DACH1: variants seen among roughly 807,000 people sequenced by gnomAD.
DACH1 encodes the protein dachshund family transcription factor 1.
A neutral mutation model predicts 54.2 loss-of-function variants in DACH1; 12 were observed. The ratio of observed to expected loss-of-function variants is 0.22; its 90% CI spans 0.14 to 0.36. The LOEUF (loss-of-function observed/expected upper bound fraction) is 0.36, where lower values mean the gene tolerates loss of function less well. Among genes scored for constraint, DACH1 ranks in the 10% least tolerant of loss-of-function variants. The pLI is 1.00. For synonymous variants in DACH1, 386 were observed against 366.2 expected (o/e 1.05, Z -0.62); for missense variants, 805 against 929.8 (o/e 0.87, Z 1.75).
intron 2 of DACH1, among the ~76,000 whole-genome samples, chr13:71,665,402 T>C (rs979585992): frequency 3.3e-5 from 5 of 152,012 alleles, no homozygotes; most frequent in Admixed American, 3.3e-4. Context: ...CAAAAAATCA[T>C]GAGACTGAAC....
intron 3 of DACH1, among the ~76,000 whole-genome samples, chr13:71,616,874 G>T (rs1036280735): frequency 2.7e-5 from 4 of 149,362 alleles, no homozygotes; most frequent in African/African-American, 5.0e-5. Flanking sequence ...CAGTTTCGGG[G>T]TTCAATTTTT....
At chr13:71,804,483 T>G (rs1887415262) in intron 1 of DACH1, among the ~76,000 whole-genome samples, 2 of 152,138 alleles carry the variant, frequency 1.3e-5, no homozygotes, top group Admixed American at 1.3e-4. Context: ...CCTCCCTACA[T>G]CTTTAGAGAT....
chr13:71,472,524 GA>G (rs1158293794), intron 10 of DACH1, among the ~76,000 whole-genome samples: 1 of 152,132 alleles, frequency 6.6e-6, no homozygotes, highest in African/African-American at 2.4e-5. Context: ...AAAAATACAT[GA>G]AAAAATTAAA....
rs1349159608 is a variant in DACH1, at chr13:71,585,895, T to C, written c.1127-12883A>G. Among the ~76,000 whole-genome samples, 8 of 152,042 alleles carry C rather than the reference T, an allele frequency of 5.3e-5. No individual in the cohort carries two copies. In the East Asian group the frequency reaches 9.7e-4, roughly 18 times the overall value. ...TCTCATATTTCATGCCACTGGAAAATTGATAAAATAGAAAAAAAAATCTTG... is the reference window on the plus strand; with the variant it reads ...TCTCATATTTCATGCCACTGGAAAACTGATAAAATAGAAAAAAAAATCTTG... On this transcript the variant is annotated intron_variant, in intron 3 of 10. Coordinates refer to ENST00000613252, the MANE Select transcript of DACH1 (RefSeq NM_080759.6).
rs1466189527 is a variant in DACH1, at chr13:71,786,690, T to A, written c.848+79232A>T. Reference sequence around the variant, plus strand: ...ATATTTTTTGTTTACTGGCTATTATTAAGTCCAATCTTTTTGCCCTGAGGA... The same window carrying A: ...ATATTTTTTGTTTACTGGCTATTATAAAGTCCAATCTTTTTGCCCTGAGGA... On this transcript the variant is annotated intron_variant, in intron 1 of 10. Transcript: ENST00000613252. 2.6e-5 allele frequency among the ~76,000 whole-genome samples: 4 copies of A among 152,244 alleles called. No homozygotes were observed. The East Asian group carries it at 5.8e-4, about 22-fold the overall frequency.
Position 71,528,425 on chromosome 13 carries a change from C to CTTT in DACH1, c.1570+28596_1570+28598dup, listed in dbSNP as rs71198120. On this transcript the variant is annotated intron_variant, in intron 6 of 10. Transcript: ENST00000613252. ...TTTTAGAAACGGAAAAACAGATTTTCTTTTTTTTTTTTTTTTTTTTGAGAC... is the reference window on the plus strand; with the variant it reads ...TTTTAGAAACGGAAAAACAGATTTTCTTTTTTTTTTTTTTTTTTTTTTTGAGAC... Among the ~76,000 whole-genome samples, 654 of 111,068 alleles carry CTTT rather than the reference C, an allele frequency of 5.9e-3. 14 individuals are homozygous for CTTT. Among genetic ancestry groups the CTTT allele is most frequent in the Non-Finnish European group, 7.0e-3 (406 of 58,124 alleles). 72.9% of individuals were successfully genotyped at this position (111,068 alleles called of 152,430 possible).
At chr13:71,536,678 T>C (rs1165740289) in intron 6 of DACH1, among the ~76,000 whole-genome samples, 1 of 152,138 alleles carries the variant, frequency 6.6e-6, no homozygotes, top group East Asian at 1.9e-4. Flanking sequence ...GTGTTTATTC[T>C]GTGTGGGGCA....
intron 1 of DACH1, among the ~76,000 whole-genome samples, chr13:71,770,667 T>C (rs916782186): frequency 5.3e-5 from 8 of 151,640 alleles, no homozygotes; most frequent in Admixed American, 1.3e-4. Flanking sequence ...ACGTAATTTA[T>C]TTTCTCAGAA....
At chr13:71,459,117 T>C (rs963715895) in intron 10 of DACH1, among the ~76,000 whole-genome samples, 8 of 151,922 alleles carry the variant, frequency 5.3e-5, no homozygotes, top group African/African-American at 1.9e-4. Flanking sequence ...CAGATACTTT[T>C]AGGAAATGCT....
chr13:71,495,090 T>C (rs1301072961), intron 6 of DACH1, among the ~76,000 whole-genome samples: 2 of 152,104 alleles, frequency 1.3e-5, no homozygotes, highest in African/African-American at 4.8e-5. Flanking sequence ...CTGTGTGTTT[T>C]GGTCTCTAAT....
intron 1 of DACH1, among the ~76,000 whole-genome samples, chr13:71,847,273 T>C (rs1873346289): frequency 6.6e-6 from 1 of 152,220 alleles, no homozygotes; most frequent in South Asian, 2.1e-4. Flanking sequence ...TTTGCATTCC[T>C]ATTTTAATTT....
chr13:71,592,513 A>AAAAAAAAG (rs768010399), intron 3 of DACH1, among the ~76,000 whole-genome samples: 1 of 145,890 alleles, frequency 6.9e-6, no homozygotes, highest in African/African-American at 2.5e-5. Flanking sequence ...AAAAAAAAAA[A>AAAAAAAAG]AAAAGAAAAG....
intron 1 of DACH1, among the ~76,000 whole-genome samples, chr13:71,779,997 TGAAG>T (rs200586971): frequency 1.5e-4 from 23 of 151,992 alleles, no homozygotes; most frequent in African/African-American, 2.4e-4. Flanking sequence ...AAACATCCTA[TGAAG>T]GAAGGAATGA....
At chr13:71,487,318 G>T (rs1260000037) in intron 7 of DACH1, among the ~76,000 whole-genome samples, 1 of 152,084 alleles carries the variant, frequency 6.6e-6, no homozygotes, top group Non-Finnish European at 1.5e-5. Flanking sequence ...GGAAAGGAGA[G>T]TATATTAAAT....
intron 10 of DACH1, among the ~76,000 whole-genome samples, chr13:71,458,647 T>C (rs1455926917): frequency 2.0e-5 from 3 of 151,968 alleles, no homozygotes. Context: ...ATTGAAACTA[T>C]GACTACCTAA....
chr13:71,476,423 G>A (rs1877527567), intron 8 of DACH1, among the ~76,000 whole-genome samples: 1 of 152,026 alleles, frequency 6.6e-6, no homozygotes, highest in African/African-American at 2.4e-5. Flanking sequence ...TTTAATTATT[G>A]TTAATGTATA....
intron 1 of DACH1, among the ~76,000 whole-genome samples, chr13:71,725,548 G>C (rs73523482): frequency 0.021 from 3,253 of 151,902 alleles, 87 homozygotes; most frequent in African/African-American, 0.061. Context: ...TTGATTTTTT[G>C]CTAAATATCT....
chr13:71,472,747 C>A (rs1566279763), intron 10 of DACH1, among the ~76,000 whole-genome samples: 1 of 152,172 alleles, frequency 6.6e-6, no homozygotes. Context: ...TCATGGCTCC[C>A]AAAAGGCATG....
chr13:71,475,418 G>T (rs548275040), intron 9 of DACH1, among the ~76,000 whole-genome samples: 1 of 152,230 alleles, frequency 6.6e-6, no homozygotes, highest in African/African-American at 2.4e-5. Context: ...AGAGGATGGG[G>T]TTCGGAAATT....
Sources: allele counts gnomAD v4.1 joint callset (sites outside exome capture counted in the v4.1 genomes callset), GRCh38; gene constraint gnomAD v4.1.1; transcripts MANE v1.5; gene names NCBI Gene and HGNC (gene_info 2026-07-23, HGNC 2026-07-21).